Variants in SYNPR observed in about 807,000 individuals in gnomAD.
The protein encoded by SYNPR is synaptoporin.
In SYNPR, 23 loss-of-function variants were observed where a neutral mutation model predicts 32.9. That is an observed-to-expected ratio of 0.70 (90% CI 0.50 to 0.99). The LOEUF (loss-of-function observed/expected upper bound fraction) is 0.99, where lower values mean the gene tolerates loss of function less well. Among genes scored for constraint, SYNPR ranks in the 50% least tolerant of loss-of-function variants. The pLI is 0.00. For missense variants in SYNPR, 318 were observed against 349.3 expected (o/e 0.91, Z 0.71); for synonymous variants, 146 against 135.9 (o/e 1.07, Z -0.52).
chr3:63,278,375 G>C lies in SYNPR; in HGVS notation c.-159G>C. ...CCGGAGCGCAGAGCCCAGCGTTAGCGGGTGGGCTCCCCGAGGCCCCCTGCC... is the reference window on the plus strand; with the variant it reads ...CCGGAGCGCAGAGCCCAGCGTTAGCCGGTGGGCTCCCCGAGGCCCCCTGCC... On this transcript the variant is annotated 5_prime_UTR_variant, in exon 1 of 6. Coordinates refer to ENST00000478300, the MANE Select transcript of SYNPR (RefSeq NM_001130003.2). 1 of 876,502 alleles carries C rather than the reference G, an allele frequency of 1.1e-6. No homozygotes were observed. Among genetic ancestry groups the C allele is most frequent in the Non-Finnish European group, 1.7e-6 (1 of 583,078 alleles). The allele number at this position is 876,502 out of a possible 1,614,324, so 54.3% of individuals were successfully genotyped here.
At chr3:63,589,090 T>A (rs928712979) in intron 4 of SYNPR, among the ~76,000 whole-genome samples, 1 of 152,082 alleles carries the variant, frequency 6.6e-6, no homozygotes, top group African/African-American at 2.4e-5. Flanking sequence ...CAACACTCCC[T>A]CTAGAGGCCA....
chr3:63,542,976 T>G (rs959932894), intron 3 of SYNPR, among the ~76,000 whole-genome samples: 21 of 152,158 alleles, frequency 1.4e-4, no homozygotes, highest in Admixed American at 1.1e-3. Context: ...TCCACATTTT[T>G]TAAATGATTA....
At chr3:63,292,710 G>T (rs999113883) in intron 2 of SYNPR, among the ~76,000 whole-genome samples, 1 of 152,166 alleles carries the variant, frequency 6.6e-6, no homozygotes, top group Non-Finnish European at 1.5e-5. Context: ...TTCTTTTACT[G>T]CAAAACTTTG....
intron 1 of SYNPR, among the ~76,000 whole-genome samples, chr3:63,243,761 G>T (rs531567090): frequency 1.3e-5 from 2 of 152,060 alleles, no homozygotes; most frequent in East Asian, 3.9e-4. Context: ...TGGTCATTTT[G>T]TGTGTGCAAT....
intron 2 of SYNPR, among the ~76,000 whole-genome samples, chr3:63,308,497 G>A (rs1176476881): frequency 6.6e-6 from 1 of 151,868 alleles, no homozygotes; most frequent in East Asian, 1.9e-4. Context: ...TGTAGTGTAT[G>A]TCTGTTGGTG....
intron 2 of SYNPR, among the ~76,000 whole-genome samples, chr3:63,393,459 C>T: frequency 6.9e-6 from 1 of 145,944 alleles, no homozygotes; most frequent in Admixed American, 6.9e-5. Context: ...TCCTTCCTTC[C>T]TTTCTTCCTT....
intron 2 of SYNPR, among the ~76,000 whole-genome samples, chr3:63,411,630 G>C (rs1332396940): frequency 6.6e-6 from 1 of 152,118 alleles, no homozygotes; most frequent in Non-Finnish European, 1.5e-5. Flanking sequence ...GGGTGAAAGA[G>C]AGCAGAAGAG....
chr3:63,444,837 A>T (rs558465365), intron 2 of SYNPR, among the ~76,000 whole-genome samples: 3 of 151,918 alleles, frequency 2.0e-5, no homozygotes, highest in Admixed American at 2.0e-4. Context: ...AATCCCCCAA[A>T]CCCACCCAAG....
intron 2 of SYNPR, among the ~76,000 whole-genome samples, chr3:63,343,173 G>C (rs911570628): frequency 3.3e-5 from 5 of 152,168 alleles, no homozygotes; most frequent in African/African-American, 1.2e-4. Flanking sequence ...ACAAGGAATT[G>C]AATCTGGAGA....
chr3:63,603,213 G>A (rs547911825), intron 4 of SYNPR, among the ~76,000 whole-genome samples: 2 of 152,286 alleles, frequency 1.3e-5, no homozygotes, highest in South Asian at 2.1e-4. Flanking sequence ...AAACTTTGCC[G>A]AAGTTGTCTG....
intron 2 of SYNPR, among the ~76,000 whole-genome samples, chr3:63,467,966 G>T (rs1464915537): frequency 1.3e-5 from 2 of 152,026 alleles, no homozygotes; most frequent in African/African-American, 4.8e-5. Flanking sequence ...TTGGGAGGTT[G>T]AGGCGGGCAC....
chr3:63,525,515 C>T (rs1346804734), intron 3 of SYNPR, among the ~76,000 whole-genome samples: 1 of 152,184 alleles, frequency 6.6e-6, no homozygotes, highest in African/African-American at 2.4e-5. Context: ...CCCTTCCCTG[C>T]TTGTTCTGGT....
intron 3 of SYNPR, among the ~76,000 whole-genome samples, chr3:63,486,897 T>C (rs1033615931): frequency 4.6e-5 from 7 of 152,110 alleles, no homozygotes; most frequent in African/African-American, 1.2e-4. Flanking sequence ...TGTCCTTCAA[T>C]GTCAGCTTCA....
chr3:63,448,220 T>A (rs1434644534), intron 2 of SYNPR, among the ~76,000 whole-genome samples: 1 of 151,792 alleles, frequency 6.6e-6, no homozygotes, highest in East Asian at 2.0e-4. Context: ...GCCAGGCTGG[T>A]CTTGAATTGA....
intron 3 of SYNPR, among the ~76,000 whole-genome samples, chr3:63,504,923 A>G (rs968904653): frequency 1.3e-5 from 2 of 152,174 alleles, no homozygotes; most frequent in Non-Finnish European, 2.9e-5. Flanking sequence ...AGTGATAAAA[A>G]GAGAGCAAAT....
chr3:63,234,754 G>A (rs1406255992), intron 1 of SYNPR, among the ~76,000 whole-genome samples: 6 of 152,184 alleles, frequency 3.9e-5, no homozygotes, highest in South Asian at 2.1e-4. Context: ...TGTTCTGCTC[G>A]GGGCCAGTGG....
chr3:63,226,802 G>C (rs533358034), upstream of SYNPR, among the ~76,000 whole-genome samples: 1 of 152,080 alleles, frequency 6.6e-6, no homozygotes, highest in East Asian at 1.9e-4. Flanking sequence ...AGCAGACAAG[G>C]GTAACTATAG....
intron 4 of SYNPR, among the ~76,000 whole-genome samples, chr3:63,578,590 A>G (rs1471373600): frequency 6.6e-6 from 1 of 152,162 alleles, no homozygotes; most frequent in Non-Finnish European, 1.5e-5. Flanking sequence ...CTCAAAGACA[A>G]CTTTCATGAA....
intron 3 of SYNPR, among the ~76,000 whole-genome samples, chr3:63,527,245 T>C (rs539701170): frequency 3.9e-5 from 6 of 152,224 alleles, no homozygotes; most frequent in East Asian, 1.9e-4. Context: ...TGTAACACTT[T>C]CTGTTTGCCT....
Sources: gnomAD v4.1 joint callset for allele counts (sites outside exome capture counted in the v4.1 genomes callset) on GRCh38, gnomAD v4.1.1 for gene constraint, MANE v1.5 for transcripts, NCBI Gene and HGNC (gene_info 2026-07-23, HGNC 2026-07-21) for gene names.